ACBD5: variants seen among roughly 807,000 people sequenced by gnomAD.
The protein encoded by ACBD5 is acyl-CoA-binding domain-containing protein 5.
In ACBD5, 40 loss-of-function variants were observed where a neutral mutation model predicts 71.8. The observed-to-expected ratio is 0.56, with a 90% CI of 0.43 to 0.72. The LOEUF is 0.72. ACBD5 is among the 30% of genes least tolerant of loss of function. The probability of loss-of-function intolerance (pLI) is 0.00; values close to 1 mark genes in which losing one functional copy is unlikely to be tolerated. For synonymous variants in ACBD5, 229 were observed against 218.6 expected (o/e 1.05, Z -0.42); for missense variants, 559 against 644.5 (o/e 0.87, Z 1.44).
chr10:27,184,695 G>T (rs10764684), intron 13 of ACBD5, among the ~76,000 whole-genome samples: 90,826 of 150,912 alleles, frequency 0.6, 27,631 homozygotes, highest in Non-Finnish European at 0.65. Context: ...CAAATAGCTG[G>T]GACTGCAGCT....
chr10:27,225,465 T>C (rs1312549986), intron 4 of ACBD5, among the ~76,000 whole-genome samples: 1 of 152,196 alleles, frequency 6.6e-6, no homozygotes, highest in Non-Finnish European at 1.5e-5. Flanking sequence ...ATGAACTATG[T>C]TAACAATAAC....
chr10:27,205,058 C>T (rs1349619462), intron 11 of ACBD5, 140 bp downstream of exon 11: 3 of 730,886 alleles, frequency 4.1e-6, no homozygotes, highest in Non-Finnish European at 4.4e-6. Flanking sequence ...ACCCAGGAGG[C>T]AGAGCTTGCA....
intron 4 of ACBD5, 35 bp from the exon 5 acceptor site, chr10:27,223,487 A>G (rs1377432683): frequency 6.7e-7 from 1 of 1,485,134 alleles, no homozygotes; most frequent in Non-Finnish European, 9.4e-7. Flanking sequence ...GTGAAATCAC[A>G]AACTCTTAAT....
intron 7 of ACBD5, among the ~76,000 whole-genome samples, chr10:27,217,385 G>C (rs2137346132): frequency 6.6e-6 from 1 of 151,042 alleles, no homozygotes; most frequent in East Asian, 2.0e-4. Flanking sequence ...GAACCCAGGG[G>C]GCAGAGGTTG....
intron 4 of ACBD5, among the ~76,000 whole-genome samples, chr10:27,226,763 T>G (rs2800405): frequency 0.78 from 117,515 of 151,528 alleles, 45,839 homozygotes; most frequent in African/African-American, 0.86. Context: ...GCAATTCTCC[T>G]ACATCAGCTG....
At chr10:27,241,621 A>T (rs112718043), upstream of ACBD5, among the ~76,000 whole-genome samples, 4,566 of 152,242 alleles carry the variant, frequency 0.03, 70 homozygotes, top group African/African-American at 0.035. Context: ...TAATCTCGAT[A>T]CTTTGAGAGG....
chr10:27,224,080 G>C (rs1419077337), intron 4 of ACBD5, among the ~76,000 whole-genome samples: 2 of 151,308 alleles, frequency 1.3e-5, no homozygotes, highest in African/African-American at 4.9e-5. Context: ...TACAGCTAGG[G>C]GGCGCAGTGC....
chr10:27,197,594 G>C lies in ACBD5; in HGVS notation c.1566-152C>G. ...AACTACATCATATGACTTGCAGCCT[G>C]ATAGGAAAGATCCAATTACAAGTGC... is the stretch of plus-strand genomic sequence containing the variant. On this transcript the variant is annotated intron_variant, in intron 12 of 12. Transcript: ENST00000396271. The C allele has an allele frequency of 4.7e-6, 3 of 644,950 alleles. No homozygotes were observed. In the South Asian group the frequency reaches 5.8e-5, roughly 12 times the overall value. 40.0% of individuals were successfully genotyped at this position (644,950 alleles called of 1,614,324 possible).
At chr10:27,199,522 G>A (rs1213579528) in intron 12 of ACBD5, among the ~76,000 whole-genome samples, 1 of 152,168 alleles carries the variant, frequency 6.6e-6, no homozygotes, top group African/African-American at 2.4e-5. Context: ...GGAAACAACA[G>A]ATAAGGGAAC....
chr10:27,242,011 G>T (rs1358896471), upstream of ACBD5: 8 of 453,444 alleles, frequency 1.8e-5, no homozygotes, highest in African/African-American at 4.0e-5. Flanking sequence ...AAATCTAGGC[G>T]CAGATCGTAA....
Position 27,240,371 on chromosome 10 carries a change from G to T in ACBD5, c.129C>A (p.His43Gln). The T allele has an allele frequency of 6.2e-7, 1 of 1,614,004 alleles. No homozygotes were observed. Among genetic ancestry groups the T allele is most frequent in the Non-Finnish European group, 8.5e-7 (1 of 1,180,000 alleles). Reference protein sequence around the residue: ...QLEMADTRSVHETRFEAAVKV... With the variant: ...QLEMADTRSVQETRFEAAVKV... ...TCACGGCCGCCTCAAACCTAGTCTC[G>T]TGCACGGATCTCGTGTCCGCCATCT... is the stretch of plus-strand genomic sequence containing the variant. Residue 43 changes from histidine to glutamine, a missense_variant, in exon 2 of 13, where the codon CAC (histidine) becomes CAA (glutamine). Coordinates refer to ENST00000396271, the MANE Select transcript of ACBD5 (RefSeq NM_145698.5). This position sits in a 1 kb window ranked among gnomAD's most constrained non-coding sequence, Gnocchi z 4.1.
chr10:27,201,870 CAAT>C (rs1320187843), intron 12 of ACBD5, among the ~76,000 whole-genome samples: 1 of 152,160 alleles, frequency 6.6e-6, no homozygotes. Flanking sequence ...CATATTTATT[CAAT>C]AAAATGAAAG....
chr10:27,189,458 T>C (rs1339740585), intron 13 of ACBD5, among the ~76,000 whole-genome samples: 1 of 152,208 alleles, frequency 6.6e-6, no homozygotes, highest in Non-Finnish European at 1.5e-5. Flanking sequence ...CTGGCCAACA[T>C]AGCAAGACCC....
chr10:27,240,456 C>G lies in ACBD5; in HGVS notation c.44G>C (p.Cys15Ser). 3.7e-6 allele frequency: 6 copies of G among 1,613,460 alleles called. No homozygotes were observed. Among genetic ancestry groups the G allele is most frequent in the Non-Finnish European group, 5.1e-6 (6 of 1,179,684 alleles). ...GTCGGCGGGAATCAGGCAGCAGCAG[C>G]ACCAGCTTTCCCAAGAGCCTGCATG... ...SFHAGSWESWCCCCLIPADRP... is the reference protein window; with the variant it reads ...SFHAGSWESWSCCCLIPADRP... The change falls in exon 2 of 13, where the codon TGC becomes TCC. Residue 15 changes from cysteine (C) to serine (S), a missense_variant. By Grantham distance (112) the Cys-to-Ser change is moderately radical. Transcript: ENST00000396271. This position sits in a 1 kb window ranked among gnomAD's most constrained non-coding sequence, Gnocchi z 4.1.
chr10:27,225,831 T>C (rs1376672830), intron 4 of ACBD5, among the ~76,000 whole-genome samples: 2 of 151,962 alleles, frequency 1.3e-5, no homozygotes. Flanking sequence ...GTTAGCAGAA[T>C]CTAGTAAGCC....
At chr10:27,183,756 C>T (rs1388292410) in intron 13 of ACBD5, among the ~76,000 whole-genome samples, 2 of 151,856 alleles carry the variant, frequency 1.3e-5, no homozygotes, top group African/African-American at 2.4e-5. Context: ...CTGGGTCTGT[C>T]GCCCAGGCTG....
chr10:27,235,016 A>G (rs2064459338), intron 3 of ACBD5, 76 bp downstream of exon 3: 2 of 1,420,780 alleles, frequency 1.4e-6, no homozygotes, highest in Middle Eastern at 1.8e-4. Context: ...ATAATATATA[A>G]CCACTTAAGT....
chr10:27,212,546 G>A (rs978493712), intron 8 of ACBD5, among the ~76,000 whole-genome samples: 4 of 149,392 alleles, frequency 2.7e-5, no homozygotes, highest in Admixed American at 6.7e-5. Flanking sequence ...TCTCAGTTTG[G>A]CCTCCTTATC....
chr10:27,227,553 G>A (rs1447135572), intron 4 of ACBD5, among the ~76,000 whole-genome samples: 3 of 151,442 alleles, frequency 2.0e-5, no homozygotes, highest in Non-Finnish European at 4.4e-5. Context: ...TAAGAAACTG[G>A]CATTTGTTTT....
Sources: gnomAD v4.1 joint callset for allele counts (sites outside exome capture counted in the v4.1 genomes callset) on GRCh38, gnomAD v4.1.1 for gene constraint, Gnocchi (gnomAD v3.1) non-coding constraint, MANE v1.5 for transcripts, NCBI Gene and HGNC (gene_info 2026-07-23, HGNC 2026-07-21) for gene names.